Variants in SLC22A3 observed in about 807,000 individuals in gnomAD.
The protein encoded by SLC22A3 is EMT organic cation transporter 3.
SLC22A3 carries 51 observed loss-of-function variants against 59.1 expected under a neutral mutation model. That is an observed-to-expected ratio of 0.86 (90% CI 0.69 to 1.09). SLC22A3 has a LOEUF of 1.09. Ranked by LOEUF, SLC22A3 falls within the 50% of genes least tolerant of loss-of-function variation. The probability of loss-of-function intolerance (pLI) is 0.00; values close to 1 mark genes in which losing one functional copy is unlikely to be tolerated. For synonymous variants in SLC22A3, 325 were observed against 292.0 expected, an observed-to-expected ratio of 1.11 and a Z score of -1.15; for missense variants, 711 against 726.3, an observed-to-expected ratio of 0.98 and a Z score of 0.24.
intron 1 of SLC22A3, among the ~76,000 whole-genome samples, chr6:160,360,017 T>G (rs914140105): frequency 6.6e-6 from 1 of 152,244 alleles, no homozygotes; most frequent in Admixed American, 6.5e-5. Flanking sequence ...TTCAAATATT[T>G]ATAATCATAG....
intron 1 of SLC22A3, among the ~76,000 whole-genome samples, chr6:160,381,519 A>G (rs77923582): frequency 0.042 from 6,390 of 152,312 alleles, 404 homozygotes; most frequent in African/African-American, 0.14. Context: ...GTATATGAAT[A>G]TATTGTTTAA....
At chr6:160,376,374 G>T (rs1260829100) in intron 1 of SLC22A3, among the ~76,000 whole-genome samples, 1 of 151,814 alleles carries the variant, frequency 6.6e-6, no homozygotes, top group Non-Finnish European at 1.5e-5. Flanking sequence ...GCGGAGAGGG[G>T]TGAGGGGAGG....
In SLC22A3 at chr6:160,410,859, A is replaced by T; in HGVS notation, c.975+13A>T. ...AAATTACTCAGAGGTAATTTCTTTC[A>T]GTATGAGTAACAAATATTGCTAAAG... is the stretch of plus-strand genomic sequence containing the variant. On this transcript the variant is annotated intron_variant, in intron 5 of 10. Coordinates refer to ENST00000275300, the MANE Select transcript of SLC22A3 (RefSeq NM_021977.4). 2 of 1,469,606 alleles carry T rather than the reference A, an allele frequency of 1.4e-6. No homozygotes were observed. The highest frequency in any genetic ancestry group is 1.9e-6 in the Non-Finnish European group (2 of 1,050,118). 91.0% of individuals were successfully genotyped at this position (1,469,606 alleles called of 1,614,324 possible). A position where few individuals can be genotyped will look rare whatever the true frequency, so the allele number is the denominator to read the frequency against.
At chr6:160,410,269 G>A (rs141081888) in intron 4 of SLC22A3, among the ~76,000 whole-genome samples, 6,365 of 152,008 alleles carry the variant, frequency 0.042, 399 homozygotes, top group African/African-American at 0.14. Flanking sequence ...CACCCACCTC[G>A]GCCTCCCAAA....
chr6:160,410,590 A>G (rs567326576), intron 4 of SLC22A3, 139 bp from the exon 5 acceptor site: 4 of 680,056 alleles, frequency 5.9e-6, no homozygotes, highest in South Asian at 1.5e-5. Flanking sequence ...TCTGTATTTC[A>G]GGGACCTATT....
At chr6:160,389,980 A>G (rs1053454755) in intron 1 of SLC22A3, among the ~76,000 whole-genome samples, 1 of 152,228 alleles carries the variant, frequency 6.6e-6, no homozygotes, top group Non-Finnish European at 1.5e-5. Flanking sequence ...CATTAAATCA[A>G]TGCAGTGACT....
intron 5 of SLC22A3, among the ~76,000 whole-genome samples, chr6:160,435,940 G>C (rs1194042359): frequency 6.6e-6 from 1 of 152,182 alleles, no homozygotes; most frequent in Non-Finnish European, 1.5e-5. Context: ...ACCCACAGGG[G>C]AGTGCTGTTG....
intron 2 of SLC22A3, among the ~76,000 whole-genome samples, chr6:160,402,100 G>T (rs1786807863): frequency 6.6e-6 from 1 of 151,888 alleles, no homozygotes. Flanking sequence ...TTTCACAGTG[G>T]ATCAACAAAC....
intron 1 of SLC22A3, chr6:160,349,165 ACC>A: frequency 6.7e-6 from 5 of 742,770 alleles, no homozygotes; most frequent in Non-Finnish European, 8.2e-6. Context: ...AAGACCCAGC[ACC>A]GCGTTCCTTA....
intron 5 of SLC22A3, among the ~76,000 whole-genome samples, chr6:160,432,581 C>T (rs1374405376): frequency 2.6e-5 from 4 of 152,006 alleles, no homozygotes; most frequent in Non-Finnish European, 4.4e-5. Flanking sequence ...ATGCCCACCA[C>T]CAAGCCCAGA....
chr6:160,365,432 C>A (rs375610985), intron 1 of SLC22A3, among the ~76,000 whole-genome samples: 1 of 152,172 alleles, frequency 6.6e-6, no homozygotes, highest in Admixed American at 6.5e-5. Flanking sequence ...CTTGTGGAAC[C>A]AGACTGCTGG....
At chr6:160,448,767 C>A (rs1316059925) in intron 10 of SLC22A3, among the ~76,000 whole-genome samples, 2 of 151,856 alleles carry the variant, frequency 1.3e-5, no homozygotes, top group Admixed American at 1.3e-4. Context: ...TAATATGTGC[C>A]CTCTGTGGAC....
intron 5 of SLC22A3, among the ~76,000 whole-genome samples, chr6:160,420,066 C>G (rs983907647): frequency 2.6e-5 from 4 of 152,136 alleles, no homozygotes; most frequent in Non-Finnish European, 5.9e-5. Context: ...CATGTCAAGA[C>G]CCCCAACTTC....
chr6:160,442,999 G>T (rs1320499875), intron 8 of SLC22A3, 130 bp downstream of exon 8: 2 of 739,532 alleles, frequency 2.7e-6, no homozygotes, highest in Admixed American at 2.1e-5. Flanking sequence ...AATCCAGCTA[G>T]TAAAGAAGAT....
chr6:160,410,867 T>C, intron 5 of SLC22A3, 21 bp downstream of exon 5: 1 of 1,391,974 alleles, frequency 7.2e-7, no homozygotes, highest in East Asian at 2.3e-5. Context: ...TCAGTATGAG[T>C]AACAAATATT....
intron 5 of SLC22A3, among the ~76,000 whole-genome samples, chr6:160,432,948 G>T (rs1788207443): frequency 6.6e-6 from 1 of 152,138 alleles, no homozygotes; most frequent in Non-Finnish European, 1.5e-5. Context: ...AATGATAGTA[G>T]TATCTGTACA....
chr6:160,433,019 C>A (rs1167109516), intron 5 of SLC22A3, among the ~76,000 whole-genome samples: 1 of 152,178 alleles, frequency 6.6e-6, no homozygotes, highest in Admixed American at 6.5e-5. Flanking sequence ...GCAGGCCAGA[C>A]ATGCAGGCAA....
rs372677391 is a variant in SLC22A3, at chr6:160,361,019, A to G, written c.429+12171A>G. On this transcript the variant is annotated intron_variant, in intron 1 of 10. Transcript: ENST00000275300. The stretch of plus-strand genomic sequence containing the variant: ...GAAATTAAAGTGAAATTCCAAGCCA[A>G]AGTAATCAGAACAGCATGGTATTGG... Among the ~76,000 whole-genome samples the G allele has an allele frequency of 2.6e-5, 4 of 152,230 alleles. No individual in the cohort carries two copies. The East Asian group carries it at 7.7e-4, about 29-fold the overall frequency.
Position 160,372,127 on chromosome 6 carries a change from G to A in SLC22A3, c.429+23279G>A, listed in dbSNP as rs2504936. Among the ~76,000 whole-genome samples the A allele has an allele frequency of 5.3e-3, 801 of 152,208 alleles. 12 individuals are homozygous for A. The East Asian group carries it at 0.062, about 12-fold the overall frequency. ...GAGTCTGAATCTCTTTGTAGGTCTC[G>A]AAGAACTTGCTTTATGAATCTGGGT... On this transcript the variant is annotated intron_variant, in intron 1 of 10. Coordinates refer to ENST00000275300, the MANE Select transcript of SLC22A3 (RefSeq NM_021977.4).
Sources: allele counts gnomAD v4.1 joint callset (sites outside exome capture counted in the v4.1 genomes callset), GRCh38; gene constraint gnomAD v4.1.1; transcripts MANE v1.5; gene names NCBI Gene and HGNC (gene_info 2026-07-23, HGNC 2026-07-21).